SORCS1: variants seen among roughly 807,000 people sequenced by gnomAD.
SORCS1 encodes the protein sortilin related VPS10 domain containing receptor 1.
A neutral mutation model predicts 146.1 loss-of-function variants in SORCS1; 60 were observed. That is an observed-to-expected ratio of 0.41 (90% confidence interval 0.33 to 0.51). SORCS1 has a LOEUF of 0.51. Among genes scored for constraint, SORCS1 ranks in the 20% least tolerant of loss-of-function variants. The pLI is 0.21. For missense variants in SORCS1, 1,352 were observed against 1,487.6 expected, an observed-to-expected ratio of 0.91 and a Z score of 1.50; for synonymous variants, 637 against 584.0, an observed-to-expected ratio of 1.09 and a Z score of -1.31.
At chr10:106,656,994 T>C (rs181298526) in intron 17 of SORCS1, among the ~76,000 whole-genome samples, 6 of 152,158 alleles carry the variant, frequency 3.9e-5, no homozygotes, top group African/African-American at 1.2e-4. Context: ...ATATATGGGG[T>C]AGGAATGTAG....
intron 1 of SORCS1, among the ~76,000 whole-genome samples, chr10:107,073,065 G>T (rs1380353931): frequency 6.6e-6 from 1 of 152,132 alleles, no homozygotes; most frequent in Non-Finnish European, 1.5e-5. Context: ...TTCACTGTCT[G>T]GTCTCAATTA....
chr10:107,102,650 C>G (rs539629989), intron 1 of SORCS1, among the ~76,000 whole-genome samples: 1 of 152,146 alleles, frequency 6.6e-6, no homozygotes, highest in South Asian at 2.1e-4. Context: ...CCTTACAAAA[C>G]CAGAAGACTC....
rs573754208 is a variant in SORCS1, at chr10:106,733,149, A to G, written c.960-3035T>C. On this transcript the variant is annotated intron_variant, in intron 5 of 25. Transcript: ENST00000263054. ...AAGAAAAGAAAAGAAAAGAAAAAGAAAAAAAAGAGGCAAGAGCAAAACAGA... is the reference window on the plus strand; with the variant it reads ...AAGAAAAGAAAAGAAAAGAAAAAGAGAAAAAAGAGGCAAGAGCAAAACAGA... Among the ~76,000 whole-genome samples the G allele has an allele frequency of 1.7e-3, 264 of 151,742 alleles. 1 individual carries two copies. The highest frequency in any genetic ancestry group is 6.1e-3 in the African/African-American group (251 of 41,332).
At chr10:107,180,451 G>T in the SORCS1 span, among the ~76,000 whole-genome samples, 1 of 152,096 alleles carries the variant, frequency 6.6e-6, no homozygotes, top group Non-Finnish European at 1.5e-5. Context: ...AATTGCTCCA[G>T]AACTATTAGT....
chr10:106,895,630 A>G (rs1951444160), intron 2 of SORCS1, among the ~76,000 whole-genome samples: 2 of 152,178 alleles, frequency 1.3e-5, no homozygotes, highest in South Asian at 4.1e-4. Flanking sequence ...ACTACTAATA[A>G]TAAAATAAAT....
rs1244456167 is a variant in SORCS1, at chr10:107,060,017, T to C, written c.559-103437A>G. Among the ~76,000 whole-genome samples, 1 of 152,170 alleles carries C rather than the reference T, an allele frequency of 6.6e-6. No homozygotes were observed. The highest frequency in any genetic ancestry group is 6.5e-5 in the Admixed American group (1 of 15,274). On this transcript the variant is annotated intron_variant, in intron 1 of 25. Transcript: ENST00000263054. This position sits in a 1 kb window ranked among gnomAD's most constrained non-coding sequence, Gnocchi z 4.1. Reference sequence around the variant, plus strand: ...AGGGTCAAAGAATGCTTCTGACAGATGACACAGTGGTCTTTAATCTACCAT... The same window carrying C: ...AGGGTCAAAGAATGCTTCTGACAGACGACACAGTGGTCTTTAATCTACCAT...
chr10:106,871,605 G>T (rs1950409095), intron 2 of SORCS1, among the ~76,000 whole-genome samples: 1 of 152,224 alleles, frequency 6.6e-6, no homozygotes, highest in Non-Finnish European at 1.5e-5. Flanking sequence ...CATGAATAGA[G>T]ATGGAGGCTA....
At chr10:106,951,112 G>A (rs191442283) in intron 2 of SORCS1, among the ~76,000 whole-genome samples, 5 of 151,996 alleles carry the variant, frequency 3.3e-5, no homozygotes, top group African/African-American at 9.7e-5. Context: ...TGGCATTTCC[G>A]GGCGGCTGCT....
At chr10:106,747,810 C>A (rs1486605567) in intron 5 of SORCS1, among the ~76,000 whole-genome samples, 4 of 152,094 alleles carry the variant, frequency 2.6e-5, no homozygotes, top group Admixed American at 2.6e-4. Flanking sequence ...ATAGAATGAT[C>A]CCAGCCCAAA....
At chr10:106,972,252 T>C (rs1424538093) in intron 1 of SORCS1, among the ~76,000 whole-genome samples, 1 of 151,758 alleles carries the variant, frequency 6.6e-6, no homozygotes, top group East Asian at 1.9e-4. Flanking sequence ...CATGGTGGCA[T>C]GCACCTGCAA....
chr10:106,620,559 G>A lies in SORCS1; in HGVS notation c.2665C>T (p.Pro889Ser), dbSNP rs2133492984. 1.2e-6 allele frequency: 2 copies of A among 1,613,622 alleles called. No homozygotes were observed. Among genetic ancestry groups the A allele is most frequent in the South Asian group, 2.2e-5 (2 of 91,026 alleles). Residue 889 changes from proline (P) to serine (S), a missense_variant and splice_region_variant, in exon 20 of 26, where the codon CCC becomes TCC. By Grantham distance (74) the Pro-to-Ser change is moderately conservative. Transcript: ENST00000263054. ...SAVLYLHVTCPLEHVHLSLPF... is the reference protein window; with the variant it reads ...SAVLYLHVTCSLEHVHLSLPF... ...AGAGACAGGTGCACGTGCTCCAAGG[G>A]ACCTGAGGCACAAGAGAAAGAGAGG...
intron 1 of SORCS1, among the ~76,000 whole-genome samples, chr10:107,043,359 A>G (rs980593718): frequency 2.0e-5 from 3 of 152,132 alleles, no homozygotes; most frequent in African/African-American, 7.2e-5. Flanking sequence ...TTTATGTTGG[A>G]AGGTAAGTCT....
chr10:106,955,266 A>ACCGCATTCCCCTCGTCCAGACACCAGCG (rs1331716303), intron 2 of SORCS1, among the ~76,000 whole-genome samples: 1 of 152,218 alleles, frequency 6.6e-6, no homozygotes, highest in Non-Finnish European at 1.5e-5. Flanking sequence ...TTAAGGCGCC[A>ACCGCATTCCCCTCGTCCAGACACCAGCG]CCGCATTCCC....
intron 6 of SORCS1, among the ~76,000 whole-genome samples, chr10:106,725,323 G>A (rs1463960743): frequency 6.6e-6 from 1 of 152,044 alleles, no homozygotes; most frequent in Non-Finnish European, 1.5e-5. Context: ...GCCGAGGCAG[G>A]TGGATCACCT....
At chr10:106,965,110 C>T (rs1477976498) in intron 1 of SORCS1, among the ~76,000 whole-genome samples, 1 of 151,980 alleles carries the variant, frequency 6.6e-6, no homozygotes, top group Non-Finnish European at 1.5e-5. Flanking sequence ...CCACGTGTCC[C>T]CTCTGACAGT....
At chr10:106,719,969 C>T (rs745720664) in intron 6 of SORCS1, among the ~76,000 whole-genome samples, 6 of 152,202 alleles carry the variant, frequency 3.9e-5, no homozygotes, top group Non-Finnish European at 8.8e-5. Context: ...TTCCACCAGG[C>T]AGACACACAA....
chr10:106,864,451 G>A (rs1025306748), intron 2 of SORCS1, among the ~76,000 whole-genome samples: 1 of 152,124 alleles, frequency 6.6e-6, no homozygotes, highest in Non-Finnish European at 1.5e-5. Flanking sequence ...AGAGCTAAGT[G>A]GGGGCTTAGC....
intron 3 of SORCS1, among the ~76,000 whole-genome samples, chr10:106,807,307 C>A (rs1947238011): frequency 6.6e-6 from 1 of 152,176 alleles, no homozygotes; most frequent in Non-Finnish European, 1.5e-5. Context: ...CACATAGCAG[C>A]ACTGAATGGT....
At chr10:107,064,225 C>T (rs1003571786) in intron 1 of SORCS1, among the ~76,000 whole-genome samples, 4 of 152,088 alleles carry the variant, frequency 2.6e-5, no homozygotes, top group African/African-American at 9.7e-5. Context: ...GCAGCTGGGC[C>T]TTACCTTCTT....
Sources: allele counts gnomAD v4.1 joint callset (sites outside exome capture counted in the v4.1 genomes callset), GRCh38; gene constraint gnomAD v4.1.1; non-coding constraint Gnocchi (gnomAD v3.1); transcripts MANE v1.5; gene names NCBI Gene and HGNC (gene_info 2026-07-23, HGNC 2026-07-21).